Variants in MTUS2 observed in about 807,000 individuals in gnomAD.
MTUS2 encodes the protein microtubule associated scaffold protein 2, also known as microtubule-associated tumor suppressor candidate 2.
Under a neutral mutation model 114.1 loss-of-function variants are expected in MTUS2, and 40 were observed. The ratio of observed to expected loss-of-function variants is 0.35; its 90% CI spans 0.27 to 0.46. The LOEUF is 0.46. MTUS2 is among the 20% of genes least tolerant of loss of function. The pLI, the probability that MTUS2 is intolerant of heterozygous loss-of-function variation, is 1.00. For synonymous variants in MTUS2, 688 were observed against 672.0 expected (o/e 1.02, Z -0.37); for missense variants, 1,679 against 1,705.4 (o/e 0.98, Z 0.27).
intron 5 of MTUS2, among the ~76,000 whole-genome samples, chr13:29,133,589 A>G (rs1243203473): frequency 6.6e-6 from 1 of 152,248 alleles, no homozygotes; most frequent in African/African-American, 2.4e-5. Flanking sequence ...GTTTTCGAAG[A>G]ATCATTTGTT....
Position 29,476,207 on chromosome 13 carries a change from A to G in MTUS2, c.3185-3943A>G, listed in dbSNP as rs1880689395. Among the ~76,000 whole-genome samples the G allele has an allele frequency of 2.0e-5, 3 of 152,206 alleles. No homozygotes were observed. In the South Asian group the frequency reaches 6.2e-4, roughly 32 times the overall value. On this transcript the variant is annotated intron_variant, in intron 9 of 15. Coordinates refer to ENST00000612955, the MANE Select transcript of MTUS2 (RefSeq NM_001033602.4). ...ACACCATATGGCCTCGGTGGGTAGT[A>G]GGCTATGCCTACACTCCATGATGTT...
At chr13:29,221,554 GT>G (rs1473845183) in intron 5 of MTUS2, among the ~76,000 whole-genome samples, 5 of 151,950 alleles carry the variant, frequency 3.3e-5, no homozygotes, top group Admixed American at 1.3e-4. Context: ...TTCTATTTGG[GT>G]TTTATCTTTT....
intron 9 of MTUS2, among the ~76,000 whole-genome samples, chr13:29,441,939 C>T (rs1877912504): frequency 6.6e-6 from 1 of 152,116 alleles, no homozygotes; most frequent in Non-Finnish European, 1.5e-5. Flanking sequence ...TGCAAAGACC[C>T]CCTTCTCCAC....
intron 2 of MTUS2, among the ~76,000 whole-genome samples, chr13:28,897,691 G>A (rs1879363805): frequency 6.6e-6 from 1 of 152,134 alleles, no homozygotes; most frequent in African/African-American, 2.4e-5. Context: ...AGAAAATGTG[G>A]CACATATACA....
intron 10 of MTUS2, among the ~76,000 whole-genome samples, chr13:29,485,592 C>T (rs984708700): frequency 2.2e-4 from 33 of 152,076 alleles, no homozygotes; most frequent in Admixed American, 5.9e-4. Flanking sequence ...AAAAGCACCT[C>T]GGAAAGGTTG....
intron 10 of MTUS2, among the ~76,000 whole-genome samples, chr13:29,483,281 T>C (rs1012776200): frequency 1.3e-5 from 2 of 152,176 alleles, no homozygotes; most frequent in African/African-American, 4.8e-5. Context: ...GCCGCAAATA[T>C]CACTTTACTC....
chr13:29,146,524 C>T (rs1456049498), intron 5 of MTUS2, among the ~76,000 whole-genome samples: 1 of 152,188 alleles, frequency 6.6e-6, no homozygotes, highest in Non-Finnish European at 1.5e-5. Context: ...CCAATTTCAG[C>T]AGCTGCCATC....
intron 9 of MTUS2, among the ~76,000 whole-genome samples, chr13:29,447,628 T>A (rs985055383): frequency 4.1e-5 from 6 of 145,142 alleles, no homozygotes; most frequent in African/African-American, 1.1e-4. Flanking sequence ...TTTTTTTTTT[T>A]AATGCTGGTC....
intron 9 of MTUS2, among the ~76,000 whole-genome samples, chr13:29,448,974 G>C (rs1452362294): frequency 6.6e-6 from 1 of 151,964 alleles, no homozygotes; most frequent in African/African-American, 2.4e-5. Flanking sequence ...GGCTGGTCTT[G>C]AACTCCTGAC....
At chr13:29,497,166 C>G in intron 12 of MTUS2, 72 bp from the exon 13 acceptor site, 1 of 1,381,586 alleles carries the variant, frequency 7.2e-7, no homozygotes, top group Non-Finnish European at 1.0e-6. Context: ...GCCTGCTGAT[C>G]ACAGCTGCCC....
chr13:29,282,337 C>T (rs1302003966), intron 6 of MTUS2, among the ~76,000 whole-genome samples: 2 of 152,228 alleles, frequency 1.3e-5, no homozygotes, highest in Non-Finnish European at 2.9e-5. Flanking sequence ...ATCCACTACT[C>T]CCATGGTAGG....
At chr13:29,296,872 A>T (rs1311694814) in intron 6 of MTUS2, among the ~76,000 whole-genome samples, 1 of 151,682 alleles carries the variant, frequency 6.6e-6, no homozygotes, top group East Asian at 1.9e-4. Flanking sequence ...ATCATTTGCA[A>T]TTTTTTTCTC....
intron 7 of MTUS2, among the ~76,000 whole-genome samples, chr13:29,350,888 G>GGGACCTAATCACTTCCC (rs1869174891): frequency 6.6e-6 from 1 of 150,418 alleles, no homozygotes; most frequent in Non-Finnish European, 1.5e-5. Flanking sequence ...CCCCACTCTT[G>GGGACCTAATCACTTCCC]GGACCTAATC....
intron 9 of MTUS2, among the ~76,000 whole-genome samples, chr13:29,441,367 C>T (rs544640458): frequency 3.9e-5 from 6 of 152,266 alleles, no homozygotes; most frequent in East Asian, 1.9e-4. Flanking sequence ...TCCCCGCAGA[C>T]GCTTGCTGGA....
chr13:28,824,072 A>G (rs560583246), intron 1 of MTUS2, among the ~76,000 whole-genome samples: 2 of 152,308 alleles, frequency 1.3e-5, no homozygotes, highest in Admixed American at 6.5e-5. Flanking sequence ...GCCAAACCAT[A>G]TAACATGGCA....
At chr13:29,385,014 C>G (rs772630035) in intron 8 of MTUS2, among the ~76,000 whole-genome samples, 1 of 152,120 alleles carries the variant, frequency 6.6e-6, no homozygotes, top group Non-Finnish European at 1.5e-5. Flanking sequence ...TTTGTCTGTT[C>G]GTTACATTTG....
At chr13:29,267,122 G>A (rs141563206) in intron 5 of MTUS2, among the ~76,000 whole-genome samples, 7 of 152,252 alleles carry the variant, frequency 4.6e-5, no homozygotes, top group Non-Finnish European at 1.0e-4. Context: ...AGGAGCAGAG[G>A]GGGGATTTAT....
At chr13:29,021,824 T>A (rs1240432233) in intron 2 of MTUS2, among the ~76,000 whole-genome samples, 2 of 152,244 alleles carry the variant, frequency 1.3e-5, no homozygotes, top group African/African-American at 4.8e-5. Flanking sequence ...ACACAAGGGT[T>A]TGTTGAGAAT....
chr13:28,905,340 G>A (rs1250457818), intron 2 of MTUS2, among the ~76,000 whole-genome samples: 1 of 151,396 alleles, frequency 6.6e-6, no homozygotes, highest in Admixed American at 6.6e-5. Flanking sequence ...GCCTCTTTTC[G>A]AAGGGAATGC....
Sources: gnomAD v4.1 joint callset for allele counts (sites outside exome capture counted in the v4.1 genomes callset) on GRCh38, gnomAD v4.1.1 for gene constraint, MANE v1.5 for transcripts, NCBI Gene and HGNC (gene_info 2026-07-23, HGNC 2026-07-21) for gene names.